The following CALN1 variants were observed in gnomAD, a reference collection of about 807,000 sequenced individuals.
CALN1 encodes the protein calneuron 1, also known as calcium-binding protein 8.
CALN1 carries 17 observed loss-of-function variants against 30.6 expected under a neutral mutation model. The observed-to-expected ratio is 0.56, with a 90% CI of 0.38 to 0.83. The LOEUF is 0.83. Ranked by LOEUF, CALN1 falls within the 40% of genes least tolerant of loss-of-function variation. The pLI is 0.00. For missense variants in CALN1, 291 were observed against 354.9 expected, an observed-to-expected ratio of 0.82 and a Z score of 1.45; for synonymous variants, 156 against 131.4, an observed-to-expected ratio of 1.19 and a Z score of -1.28.
intron 1 of CALN1, among the ~76,000 whole-genome samples, chr7:72,420,305 A>T (rs1468906375): frequency 6.6e-6 from 1 of 152,124 alleles, no homozygotes; most frequent in Non-Finnish European, 1.5e-5. Flanking sequence ...CCTTGGCTGG[A>T]GCCCAGCATG....
chr7:72,100,185 G>A (rs1336103523), intron 4 of CALN1, among the ~76,000 whole-genome samples: 2 of 151,058 alleles, frequency 1.3e-5, no homozygotes, highest in African/African-American at 2.4e-5. Context: ...AGAGATAAGG[G>A]TCTAGCTCTG....
chr7:72,088,683 A>T (rs964227288), intron 4 of CALN1, among the ~76,000 whole-genome samples: 1 of 142,038 alleles, frequency 7.0e-6, no homozygotes, highest in Admixed American at 7.2e-5. Flanking sequence ...TGGGAGACAG[A>T]GTGAGACTCC....
At chr7:72,186,308 GA>G (rs757740569) in intron 3 of CALN1, among the ~76,000 whole-genome samples, 79 of 151,884 alleles carry the variant, frequency 5.2e-4, no homozygotes, top group Non-Finnish European at 7.4e-4. Flanking sequence ...GGACAGGTGG[GA>G]AAAGGGAGGA....
At chr7:72,254,024 A>G (rs561302324) in intron 3 of CALN1, among the ~76,000 whole-genome samples, 17 of 152,252 alleles carry the variant, frequency 1.1e-4, no homozygotes, top group Non-Finnish European at 2.2e-4. Flanking sequence ...TACAGGCATG[A>G]GCAACTGTGC....
intron 5 of CALN1, among the ~76,000 whole-genome samples, chr7:71,932,787 G>A (rs572970471): frequency 4.1e-5 from 6 of 147,006 alleles, no homozygotes; most frequent in Non-Finnish European, 7.4e-5. Flanking sequence ...CTGCACTCCA[G>A]CCTGGGTGAC....
intron 6 of CALN1, among the ~76,000 whole-genome samples, chr7:71,797,837 C>T (rs1054876765): frequency 2.0e-5 from 3 of 152,138 alleles, no homozygotes; most frequent in African/African-American, 7.2e-5. Flanking sequence ...TTCACCTTTT[C>T]CACCATCGCA....
chr7:72,035,043 G>A (rs923981628), intron 4 of CALN1, among the ~76,000 whole-genome samples: 9 of 152,100 alleles, frequency 5.9e-5, no homozygotes, highest in South Asian at 2.1e-4. Flanking sequence ...TCATTGGCAC[G>A]TCTGGCAGGT....
intron 1 of CALN1, among the ~76,000 whole-genome samples, chr7:72,425,708 G>A (rs1221672325): frequency 6.6e-6 from 1 of 152,192 alleles, no homozygotes; most frequent in Non-Finnish European, 1.5e-5. Flanking sequence ...CAGCCATCCT[G>A]TGAAGTATGA....
intron 5 of CALN1, among the ~76,000 whole-genome samples, chr7:71,868,058 T>G (rs1305798318): frequency 6.6e-6 from 1 of 152,208 alleles, no homozygotes; most frequent in Non-Finnish European, 1.5e-5. Flanking sequence ...TCTATTACCA[T>G]TTATTTTTTG....
At chr7:72,121,364 GATAT>G in intron 3 of CALN1, among the ~76,000 whole-genome samples, 1 of 142,640 alleles carries the variant, frequency 7.0e-6, no homozygotes. Context: ...TATGCAATAT[GATAT>G]ATAAATTACG....
chr7:72,205,998 A>G (rs1230018611), intron 3 of CALN1, among the ~76,000 whole-genome samples: 1 of 152,076 alleles, frequency 6.6e-6, no homozygotes, highest in East Asian at 1.9e-4. Context: ...CAGCTTCTCC[A>G]CTGTGCTTTA....
At chr7:71,996,149 TA>T (rs1799241490) in intron 5 of CALN1, among the ~76,000 whole-genome samples, 1 of 152,038 alleles carries the variant, frequency 6.6e-6, no homozygotes, top group East Asian at 1.9e-4. Context: ...AATCTAAACC[TA>T]AACGAGGTGA....
chr7:72,282,770 T>C (rs1355009340), intron 2 of CALN1, among the ~76,000 whole-genome samples: 3 of 152,162 alleles, frequency 2.0e-5, no homozygotes, highest in African/African-American at 4.8e-5. Context: ...TGGTTAAGAA[T>C]TGGCTGGGTG....
intron 4 of CALN1, among the ~76,000 whole-genome samples, chr7:72,081,942 C>G (rs1805172919): frequency 1.3e-5 from 2 of 152,116 alleles, no homozygotes; most frequent in South Asian, 4.2e-4. Context: ...GGTTTTCATT[C>G]ATGGTAGACA....
chr7:72,295,882 C>G (rs1178847579), intron 2 of CALN1, among the ~76,000 whole-genome samples: 2 of 151,694 alleles, frequency 1.3e-5, no homozygotes, highest in Non-Finnish European at 2.9e-5. Context: ...CTGCCCTGGC[C>G]AGAACTTCCA....
intron 3 of CALN1, among the ~76,000 whole-genome samples, chr7:72,183,031 A>G (rs1002255927): frequency 6.6e-6 from 1 of 152,070 alleles, no homozygotes; most frequent in African/African-American, 2.4e-5. Flanking sequence ...GGTCAGCTCT[A>G]TGGGGCTTTT....
intron 5 of CALN1, among the ~76,000 whole-genome samples, chr7:71,855,276 AG>A (rs1258624168): frequency 1.3e-5 from 2 of 152,170 alleles, no homozygotes; most frequent in African/African-American, 4.8e-5. Context: ...TTACTAAATC[AG>A]GGGGAGTAGC....
At chr7:72,029,038 T>C (rs1347223482) in intron 4 of CALN1, among the ~76,000 whole-genome samples, 1 of 152,078 alleles carries the variant, frequency 6.6e-6, no homozygotes, top group African/African-American at 2.4e-5. Context: ...TAGAAATCTT[T>C]GTCTCTGTTT....
intron 2 of CALN1, among the ~76,000 whole-genome samples, chr7:72,391,180 G>A (rs1383162947): frequency 1.3e-5 from 2 of 152,134 alleles, no homozygotes; most frequent in African/African-American, 2.4e-5. Flanking sequence ...CTGGTGACTT[G>A]GTAGCAGCCA....
Sources: gnomAD v4.1 joint callset for allele counts (sites outside exome capture counted in the v4.1 genomes callset) on GRCh38, gnomAD v4.1.1 for gene constraint, MANE v1.5 for transcripts, NCBI Gene and HGNC (gene_info 2026-07-23, HGNC 2026-07-21) for gene names.